STAU2: variants seen among roughly 807,000 people sequenced by gnomAD.
STAU2 encodes staufen double-stranded RNA binding protein 2, also known as double-stranded RNA-binding protein Staufen homolog 2.
STAU2 carries 20 observed loss-of-function variants against 65.9 expected under a neutral mutation model. That is an observed-to-expected ratio of 0.30 (90% CI 0.21 to 0.44). The LOEUF (loss-of-function observed/expected upper bound fraction) is 0.44, where lower values mean the gene tolerates loss of function less well. Ranked by LOEUF, STAU2 falls within the 20% of genes least tolerant of loss-of-function variation. The probability of loss-of-function intolerance (pLI) is 1.00; values close to 1 mark genes in which losing one functional copy is unlikely to be tolerated. For synonymous variants in STAU2, 232 were observed against 233.9 expected, an observed-to-expected ratio of 0.99 and a Z score of 0.07; for missense variants, 558 against 683.9, an observed-to-expected ratio of 0.82 and a Z score of 2.05.
chr8:73,746,294 C>A (rs886238064), intron 1 of STAU2, among the ~76,000 whole-genome samples: 2 of 151,906 alleles, frequency 1.3e-5, no homozygotes, highest in Non-Finnish European at 2.9e-5. Context: ...CGCAGACCCT[C>A]CCCGGGCCGC....
At chr8:73,618,202 AG>A (rs1812978906) in intron 6 of STAU2, among the ~76,000 whole-genome samples, 1 of 152,238 alleles carries the variant, frequency 6.6e-6, no homozygotes, top group African/African-American at 2.4e-5. Context: ...AGAGTGGGGA[AG>A]ATAAACAATA....
intron 13 of STAU2, among the ~76,000 whole-genome samples, chr8:73,480,718 G>A (rs4738368): frequency 6.6e-6 from 1 of 151,934 alleles, no homozygotes; most frequent in East Asian, 1.9e-4. Flanking sequence ...CTTTTAAGAA[G>A]CCTTTGCTAT....
rs1468401903 is a variant in STAU2 at position 73,514,330 on chromosome 8, A to C, written c.1530+37682T>G. Among the ~76,000 whole-genome samples the C allele has an allele frequency of 4.6e-5, 7 of 152,202 alleles. No homozygotes were observed. The South Asian group carries it at 1.5e-3, about 32-fold the overall frequency. ...ACAGTCAGTTCTGCATCTGGCTGCT[A>C]GATTGATCTTATAGACACCAGCATA... On this transcript the variant is annotated intron_variant, in intron 13 of 14. Coordinates refer to ENST00000524300, the MANE Select transcript of STAU2 (RefSeq NM_001164380.2).
At chr8:73,674,704 T>G (rs925419685) in intron 5 of STAU2, among the ~76,000 whole-genome samples, 1 of 149,582 alleles carries the variant, frequency 6.7e-6, no homozygotes, top group Non-Finnish European at 1.5e-5. Context: ...AAAATTATTT[T>G]ATATATATAT....
At chr8:73,531,435 A>C (rs1028505946) in intron 13 of STAU2, among the ~76,000 whole-genome samples, 13 of 152,162 alleles carry the variant, frequency 8.5e-5, no homozygotes, top group Non-Finnish European at 1.8e-4. Flanking sequence ...AAACCAGATA[A>C]AAATATGTAG....
At chr8:73,464,721 CAG>C (rs757865852) in intron 13 of STAU2, among the ~76,000 whole-genome samples, 3 of 152,010 alleles carry the variant, frequency 2.0e-5, no homozygotes, top group Non-Finnish European at 4.4e-5. Flanking sequence ...AAAAAGGAAA[CAG>C]AATAATCAAA....
chr8:73,685,307 G>C (rs1203001380), intron 5 of STAU2, among the ~76,000 whole-genome samples: 3 of 151,504 alleles, frequency 2.0e-5, no homozygotes. Context: ...ACTCCTGCAA[G>C]AATGGCCATA....
At chr8:73,714,854 G>C (rs147334836) in intron 3 of STAU2, among the ~76,000 whole-genome samples, 2 of 152,114 alleles carry the variant, frequency 1.3e-5, no homozygotes, top group African/African-American at 4.8e-5. Flanking sequence ...GGTCAAGGCG[G>C]GCAGATCACC....
chr8:73,467,029 G>A (rs1256502667), intron 13 of STAU2, among the ~76,000 whole-genome samples: 1 of 152,190 alleles, frequency 6.6e-6, no homozygotes, highest in African/African-American at 2.4e-5. Context: ...AACTGTTCAG[G>A]AAGTTTTTTG....
At chr8:73,728,771 T>G (rs952501412) in intron 3 of STAU2, among the ~76,000 whole-genome samples, 9 of 152,240 alleles carry the variant, frequency 5.9e-5, no homozygotes, top group African/African-American at 2.2e-4. Context: ...TGTGTTACCT[T>G]GTACCTACAA....
At chr8:73,527,651 C>A in intron 13 of STAU2, 1 of 1,470,948 alleles carries the variant, frequency 6.8e-7, no homozygotes, top group Non-Finnish European at 9.2e-7. Flanking sequence ...CATTTCCGAG[C>A]TGGGCCATAA....
intron 13 of STAU2, among the ~76,000 whole-genome samples, chr8:73,451,598 G>A (rs1173964179): frequency 6.6e-6 from 1 of 151,728 alleles, no homozygotes; most frequent in African/African-American, 2.4e-5. Context: ...GGAGGTGATT[G>A]AAAAGGCTTT....
intron 6 of STAU2, among the ~76,000 whole-genome samples, chr8:73,623,042 CACAAGTCAATACA>C (rs1813379417): frequency 6.6e-6 from 1 of 152,118 alleles, no homozygotes; most frequent in Admixed American, 6.5e-5. Context: ...TTCAAGATAC[CACAAGTCAATACA>C]ACAGTAAGAA....
intron 6 of STAU2, among the ~76,000 whole-genome samples, chr8:73,648,654 C>T (rs1815577370): frequency 6.6e-6 from 1 of 152,130 alleles, no homozygotes; most frequent in South Asian, 2.1e-4. Context: ...GATAAGTATA[C>T]AAAAAATACC....
chr8:73,701,954 T>C (rs191632999), intron 4 of STAU2, among the ~76,000 whole-genome samples: 1 of 152,282 alleles, frequency 6.6e-6, no homozygotes, highest in East Asian at 1.9e-4. Context: ...CGTCACTATG[T>C]TAAGTGAAAT....
chr8:73,553,274 C>T (rs1807469389), intron 12 of STAU2, among the ~76,000 whole-genome samples: 2 of 152,164 alleles, frequency 1.3e-5, no homozygotes, highest in South Asian at 4.1e-4. Context: ...AAAGAATGTG[C>T]TCTGAGAGAC....
intron 6 of STAU2, among the ~76,000 whole-genome samples, chr8:73,648,250 G>A (rs1395691042): frequency 6.6e-6 from 1 of 152,052 alleles, no homozygotes; most frequent in Non-Finnish European, 1.5e-5. Flanking sequence ...TTATTTCATG[G>A]TGATTTTTAT....
intron 4 of STAU2, among the ~76,000 whole-genome samples, chr8:73,695,194 A>AGG (rs1819618192): frequency 6.6e-6 from 1 of 152,156 alleles, no homozygotes; most frequent in African/African-American, 2.4e-5. Context: ...GTAGCAACGA[A>AGG]AGTATCTACT....
intron 5 of STAU2, among the ~76,000 whole-genome samples, chr8:73,683,709 C>T (rs1818598224): frequency 6.6e-6 from 1 of 151,900 alleles, no homozygotes; most frequent in Non-Finnish European, 1.5e-5. Flanking sequence ...CCTAGAAAAC[C>T]CTAAAGACTC....
Sources: gnomAD v4.1 joint callset for allele counts (sites outside exome capture counted in the v4.1 genomes callset) on GRCh38, gnomAD v4.1.1 for gene constraint, MANE v1.5 for transcripts, NCBI Gene and HGNC (gene_info 2026-07-23, HGNC 2026-07-21) for gene names.